The following ARFGEF3 variants were observed in gnomAD, a reference collection of about 807,000 sequenced individuals.
The protein encoded by ARFGEF3 is brefeldin A-inhibited guanine nucleotide-exchange protein 3.
Under a neutral mutation model 221.7 loss-of-function variants are expected in ARFGEF3, and 96 were observed. The ratio of observed to expected loss-of-function variants is 0.43; its 90% CI spans 0.37 to 0.51. ARFGEF3 has a LOEUF of 0.51. Ranked by LOEUF, ARFGEF3 falls within the 20% of genes least tolerant of loss-of-function variation. ARFGEF3 has a pLI of 0.00. For synonymous variants in ARFGEF3, 1,145 were observed against 1,126.8 expected (o/e 1.02, Z -0.32); for missense variants, 2,410 against 2,789.9 (o/e 0.86, Z 3.07).
At chr6:138,306,043 G>T (rs6570220) in intron 22 of ARFGEF3, among the ~76,000 whole-genome samples, 31,276 of 151,882 alleles carry the variant, frequency 0.21, 3,544 homozygotes, top group East Asian at 0.45. Flanking sequence ...GAAAAGTAAA[G>T]CTGTTTTAGT....
At position 138,336,460 on chromosome 6, in the gene ARFGEF3, G is replaced by A; in HGVS notation, c.6508G>A (p.Gly2170Ser). ...QAVREWLGRV[G>S]RVYDIIV ...TGTGAGGGAGTGGCTGGGCAGGGTG[G>A]GCCGTGTCTATGACATCATTGTGTA... Residue 2170 changes from glycine (G) to serine (S), a missense_variant, in exon 34 of 34, where the codon GGC (glycine) becomes AGC (serine). Gly to Ser is a moderately conservative substitution (Grantham distance 56, BLOSUM62 0). This residue lies in a region of ARFGEF3 where 339 missense variants were observed against 334.9 expected (regional missense o/e 1.01). Transcript: ENST00000251691. 6.2e-7 allele frequency: 1 copy of A among 1,610,872 alleles called. No homozygotes were observed. Among genetic ancestry groups the A allele is most frequent in the Non-Finnish European group, 8.5e-7 (1 of 1,178,532 alleles).
Position 138,162,115 on chromosome 6 carries a change from AGGAGGC to A in ARFGEF3, c.31_36del (p.Glu11_Ala12del), listed in dbSNP as rs760653412. 1 of 1,604,594 alleles carries A rather than the reference AGGAGGC, an allele frequency of 6.2e-7. No homozygotes were observed. The highest frequency in any genetic ancestry group is 1.1e-5 in the South Asian group (1 of 90,590). ...GAAGAAATCCTGAGGAAGCTGCAGA[AGGAGGC>A]GTCCGGGAGCAAGTACAAAGCCATC... is the stretch of plus-strand genomic sequence containing the variant. On this transcript the variant is annotated inframe_deletion, in exon 1 of 34. Coordinates refer to ENST00000251691, the MANE Select transcript of ARFGEF3 (RefSeq NM_020340.5). The surrounding 1 kb of genome is among the most constrained non-coding windows in gnomAD (Gnocchi z 4.7).
At chr6:138,236,574 G>C (rs6935389) in intron 5 of ARFGEF3, among the ~76,000 whole-genome samples, 11,520 of 152,192 alleles carry the variant, frequency 0.076, 1,034 homozygotes, top group African/African-American at 0.22. Context: ...TTCCCAGGCT[G>C]AGGTGATCCT....
chr6:138,214,773 C>T (rs1247180068), intron 4 of ARFGEF3, among the ~76,000 whole-genome samples: 2 of 152,110 alleles, frequency 1.3e-5, no homozygotes, highest in African/African-American at 4.8e-5. Context: ...AGAAAGAAGA[C>T]TTTCAATCAG....
chr6:138,177,588 T>C (rs1005003701), intron 2 of ARFGEF3, among the ~76,000 whole-genome samples: 1 of 152,226 alleles, frequency 6.6e-6, no homozygotes, highest in African/African-American at 2.4e-5. Context: ...TTGGTCTTTC[T>C]CTTCCCTCAG....
Position 138,262,884 on chromosome 6 carries a change from G to T in ARFGEF3, c.1401G>T (p.Trp467Cys). The change falls in exon 12 of 34, where the codon TGG (tryptophan) becomes TGT (cysteine). Residue 467 changes from tryptophan (W) to cysteine (C), a missense_variant. Physicochemically the swap from Trp to Cys is radical, Grantham distance 215. Transcript: ENST00000251691. ...AGGAGCTGAAGGATGGGGCTGAGTG[G>T]AGCCGAGATTCCATGGAGATCAATG... ...RLEELKDGAEWSRDSMEINEA... is the reference protein window; with the variant it reads ...RLEELKDGAECSRDSMEINEA... 1 of 1,613,664 alleles carries T rather than the reference G, an allele frequency of 6.2e-7. No individual in the cohort carries two copies. Among genetic ancestry groups the T allele is most frequent in the Non-Finnish European group, 8.5e-7 (1 of 1,179,692 alleles).
intron 5 of ARFGEF3, among the ~76,000 whole-genome samples, chr6:138,230,709 G>A (rs1284059053): frequency 6.6e-6 from 1 of 152,160 alleles, no homozygotes; most frequent in African/African-American, 2.4e-5. Context: ...AAATTTTTAT[G>A]TGACTGTCAA....
chr6:138,332,476 A>T (rs1317083000), intron 32 of ARFGEF3, among the ~76,000 whole-genome samples: 1 of 152,198 alleles, frequency 6.6e-6, no homozygotes, highest in Non-Finnish European at 1.5e-5. Flanking sequence ...TTTGATCAGT[A>T]AAAAATTTCC....
chr6:138,327,264 TGAAAAA>T (rs1192578182), intron 31 of ARFGEF3, among the ~76,000 whole-genome samples: 1 of 151,872 alleles, frequency 6.6e-6, no homozygotes, highest in East Asian at 1.9e-4. Flanking sequence ...ACTTAAAACT[TGAAAAA>T]GAAAGGAAAA....
At chr6:138,192,669 C>T (rs78500832) in intron 2 of ARFGEF3, among the ~76,000 whole-genome samples, 21 of 152,168 alleles carry the variant, frequency 1.4e-4, no homozygotes, top group African/African-American at 5.1e-4. Flanking sequence ...TTGCTGAGAC[C>T]CCTTGCAGGA....
chr6:138,284,808 G>T (rs1010623572), intron 14 of ARFGEF3, among the ~76,000 whole-genome samples: 2 of 152,174 alleles, frequency 1.3e-5, no homozygotes, highest in African/African-American at 2.4e-5. Context: ...GAAATGCATT[G>T]TTAGGCAATT....
intron 2 of ARFGEF3, among the ~76,000 whole-genome samples, chr6:138,205,253 G>A (rs1016353935): frequency 3.9e-5 from 6 of 152,118 alleles, no homozygotes; most frequent in African/African-American, 7.2e-5. Context: ...TCATAGCTAC[G>A]GGATATATTT....
chr6:138,268,857 C>G lies in ARFGEF3; in HGVS notation c.2128+5246C>G, dbSNP rs75194877. On this transcript the variant is annotated intron_variant, in intron 12 of 33. Transcript: ENST00000251691. ...AATATTTTATAAAGTACCAGATTTC[C>G]TAAAAGATAGTGTAGCAAGTATAAA... is the stretch of plus-strand genomic sequence containing the variant. Among the ~76,000 whole-genome samples the G allele has an allele frequency of 1.8e-3, 278 of 152,254 alleles. 3 individuals carry two copies. Among genetic ancestry groups the G allele is most frequent in the African/African-American group, 6.5e-3 (270 of 41,550 alleles).
intron 8 of ARFGEF3, among the ~76,000 whole-genome samples, chr6:138,251,813 A>AC (rs1318057393): frequency 5.9e-5 from 9 of 152,074 alleles, no homozygotes; most frequent in Non-Finnish European, 1.3e-4. Context: ...TGCTCCTGCC[A>AC]TATGGTCTCA....
intron 2 of ARFGEF3, among the ~76,000 whole-genome samples, chr6:138,204,836 C>A (rs1213186539): frequency 6.6e-6 from 1 of 152,180 alleles, no homozygotes; most frequent in African/African-American, 2.4e-5. Context: ...GTTCTTTCTA[C>A]TAAACACTCA....
chr6:138,243,573 T>C (rs1477183461), intron 7 of ARFGEF3, among the ~76,000 whole-genome samples: 5 of 152,226 alleles, frequency 3.3e-5, no homozygotes, highest in Admixed American at 2.0e-4. Context: ...TTGATAATAT[T>C]GTTTTCTGAA....
chr6:138,203,301 A>G (rs940434144), intron 2 of ARFGEF3, among the ~76,000 whole-genome samples: 3 of 152,252 alleles, frequency 2.0e-5, no homozygotes, highest in Non-Finnish European at 4.4e-5. Flanking sequence ...AGTTGTCTCC[A>G]ACACATTTTA....
intron 24 of ARFGEF3, among the ~76,000 whole-genome samples, chr6:138,310,732 TATA>T (rs1779811396): frequency 1.3e-5 from 2 of 152,308 alleles, no homozygotes; most frequent in East Asian, 1.9e-4. Flanking sequence ...GAAGAAAAAT[TATA>T]ATAATTCAGT....
chr6:138,285,762 G>A (rs1183111774), intron 14 of ARFGEF3, among the ~76,000 whole-genome samples, 184 bp from the exon 15 acceptor site: 2 of 152,112 alleles, frequency 1.3e-5, no homozygotes, highest in African/African-American at 4.8e-5. Context: ...ATACTCCAAA[G>A]TGAAATAAAA....
Sources: allele counts gnomAD v4.1 joint callset (sites outside exome capture counted in the v4.1 genomes callset), GRCh38; gene constraint gnomAD v4.1.1; regional missense constraint gnomAD v4.1.1; non-coding constraint Gnocchi (gnomAD v3.1); transcripts MANE v1.5; gene names NCBI Gene and HGNC (gene_info 2026-07-23, HGNC 2026-07-21).